The following DTNB variants were observed in gnomAD, a reference collection of about 807,000 sequenced individuals.
DTNB encodes DTN-B.
Under a neutral mutation model 90.7 loss-of-function variants are expected in DTNB, and 63 were observed. The observed-to-expected ratio is 0.69, with a 90% CI of 0.57 to 0.86. DTNB has a LOEUF of 0.86. DTNB is among the 40% of genes least tolerant of loss of function. The pLI, the probability that DTNB is intolerant of heterozygous loss-of-function variation, is 0.00. For synonymous variants in DTNB, 277 were observed against 286.7 expected, an observed-to-expected ratio of 0.97 and a Z score of 0.34; for missense variants, 744 against 807.1, an observed-to-expected ratio of 0.92 and a Z score of 0.95.
At chr2:25,427,429 A>C in intron 15 of DTNB, 106 bp downstream of exon 15, 1 of 1,082,298 alleles carries the variant, frequency 9.2e-7, no homozygotes, top group Non-Finnish European at 1.3e-6. Flanking sequence ...TCTAGGCTAA[A>C]GTCAAGCCTT....
chr2:25,452,807 A>AT (rs772784537), intron 11 of DTNB, among the ~76,000 whole-genome samples: 17 of 147,036 alleles, frequency 1.2e-4, no homozygotes, highest in African/African-American at 3.5e-4. Flanking sequence ...TTCTTCTGGG[A>AT]TTTTTTTTTA....
In DTNB at chr2:25,665,085, G is replaced by C. The variant is rs752519404; in HGVS notation, c.-2+8301C>G. Among the ~76,000 whole-genome samples the C allele has an allele frequency of 3.3e-5, 5 of 152,212 alleles. No individual in the cohort carries two copies. In the South Asian group the frequency reaches 8.3e-4, roughly 25 times the overall value. On this transcript the variant is annotated intron_variant, in intron 1 of 20. Transcript: ENST00000406818. ...CACACCTGGACTACGTCTACACGCAGAAGTTACGTAACTCCCACAGTAAAG... is the reference window on the plus strand; with the variant it reads ...CACACCTGGACTACGTCTACACGCACAAGTTACGTAACTCCCACAGTAAAG...
chr2:25,421,597 T>A (rs980659062), intron 15 of DTNB, among the ~76,000 whole-genome samples: 3 of 152,262 alleles, frequency 2.0e-5, no homozygotes, highest in African/African-American at 7.2e-5. Flanking sequence ...GTGTTTTCAT[T>A]GCTGGCACTG....
At chr2:25,558,320 A>C in intron 8 of DTNB, 1 of 985,436 alleles carries the variant, frequency 1.0e-6, no homozygotes, top group Non-Finnish European at 1.2e-6. Context: ...CAGATAAGCA[A>C]TTCACACTAC....
intron 8 of DTNB, among the ~76,000 whole-genome samples, chr2:25,554,765 G>A (rs2056986569): frequency 2.0e-5 from 3 of 152,092 alleles, no homozygotes; most frequent in Admixed American, 2.0e-4. Flanking sequence ...GGTTAAAAAA[G>A]GAAACTGTTG....
At chr2:25,472,531 T>G (rs988796269) in intron 10 of DTNB, among the ~76,000 whole-genome samples, 2 of 152,204 alleles carry the variant, frequency 1.3e-5, no homozygotes, top group Non-Finnish European at 2.9e-5. Context: ...GGTTTTAGCT[T>G]GTAGAACTGT....
chr2:25,555,507 G>A (rs2057179154), intron 8 of DTNB, among the ~76,000 whole-genome samples: 1 of 151,816 alleles, frequency 6.6e-6, no homozygotes, highest in Non-Finnish European at 1.5e-5. Context: ...AATTTAAATA[G>A]CATAACTTGA....
intron 16 of DTNB, among the ~76,000 whole-genome samples, chr2:25,417,313 T>A (rs886272809): frequency 3.9e-5 from 6 of 152,188 alleles, no homozygotes; most frequent in African/African-American, 1.4e-4. Context: ...GGGATGGTGA[T>A]CTCACACAGA....
intron 14 of DTNB, chr2:25,427,863 G>T: frequency 3.0e-6 from 1 of 333,520 alleles, no homozygotes; most frequent in South Asian, 8.1e-5. Context: ...ACTATATAAA[G>T]GTATTACTTA....
intron 12 of DTNB, among the ~76,000 whole-genome samples, chr2:25,437,897 A>G (rs2056365247): frequency 6.6e-6 from 1 of 152,218 alleles, no homozygotes; most frequent in African/African-American, 2.4e-5. Flanking sequence ...TGGGAGAAAA[A>G]TAAGAAACCC....
chr2:25,448,077 C>T (rs2058694157), intron 12 of DTNB, among the ~76,000 whole-genome samples: 1 of 152,222 alleles, frequency 6.6e-6, no homozygotes, highest in Non-Finnish European at 1.5e-5. Flanking sequence ...ACTCAAGTAA[C>T]ACTTTCTCAC....
Position 25,387,413 on chromosome 2 carries a change from T to C in DTNB, c.1736-35A>G, listed in dbSNP as rs1311053974. 6.3e-7 allele frequency: 1 copy of C among 1,597,032 alleles called. No homozygotes were observed. Among genetic ancestry groups the C allele is most frequent in the Non-Finnish European group, 8.6e-7 (1 of 1,167,054 alleles). ...GGCAGAGCAGATGGGGATGCCAGGGTGGGTGAGCGTGGAGAAGAGACGGCT... is the reference window on the plus strand; with the variant it reads ...GGCAGAGCAGATGGGGATGCCAGGGCGGGTGAGCGTGGAGAAGAGACGGCT... On this transcript the variant is annotated intron_variant, in intron 17 of 20. Transcript: ENST00000406818. This position sits in a 1 kb window ranked among gnomAD's most constrained non-coding sequence, Gnocchi z 4.5.
At chr2:25,441,509 G>A (rs1388145048) in intron 12 of DTNB, among the ~76,000 whole-genome samples, 1 of 152,162 alleles carries the variant, frequency 6.6e-6, no homozygotes, top group Non-Finnish European at 1.5e-5. Context: ...CTTTAATGAG[G>A]CGATGTCATG....
At chr2:25,531,194 GC>G (rs1489161327) in intron 9 of DTNB, among the ~76,000 whole-genome samples, 1 of 152,174 alleles carries the variant, frequency 6.6e-6, no homozygotes, top group African/African-American at 2.4e-5. Flanking sequence ...ACAAAAGGCA[GC>G]CCAGCTAAAA....
intron 8 of DTNB, among the ~76,000 whole-genome samples, chr2:25,556,744 A>G (rs907762272): frequency 6.6e-6 from 1 of 152,204 alleles, no homozygotes; most frequent in Non-Finnish European, 1.5e-5. Flanking sequence ...GTGATACCTG[A>G]GCTAATTAAA....
At chr2:25,451,511 A>T (rs2059279457) in intron 12 of DTNB, 37 bp downstream of exon 12, 1 of 1,569,102 alleles carries the variant, frequency 6.4e-7, no homozygotes. Context: ...AGTAATGCTA[A>T]TTTCTGCTAC....
At chr2:25,384,141 G>A (rs1336390549) in intron 18 of DTNB, among the ~76,000 whole-genome samples, 1 of 152,254 alleles carries the variant, frequency 6.6e-6, no homozygotes, top group Non-Finnish European at 1.5e-5. Flanking sequence ...CCTGACCAGG[G>A]CTGGGGGCGT....
chr2:25,522,373 G>A (rs1220376567), intron 9 of DTNB, among the ~76,000 whole-genome samples: 3 of 152,074 alleles, frequency 2.0e-5, no homozygotes, highest in Non-Finnish European at 1.5e-5. Context: ...AAAACAAAAC[G>A]CAAAAACATA....
At chr2:25,419,614 A>G (rs1318943528) in intron 15 of DTNB, 79 bp from the exon 16 acceptor site, 3 of 1,521,928 alleles carry the variant, frequency 2.0e-6, no homozygotes, top group Admixed American at 2.0e-5. Flanking sequence ...ATCACCACAA[A>G]CATTGGTCAG....
Sources: gnomAD v4.1 joint callset for allele counts (sites outside exome capture counted in the v4.1 genomes callset) on GRCh38, gnomAD v4.1.1 for gene constraint, Gnocchi (gnomAD v3.1) non-coding constraint, MANE v1.5 for transcripts, NCBI Gene and HGNC (gene_info 2026-07-23, HGNC 2026-07-21) for gene names.